ZSCAN5A: variants seen among roughly 807,000 people sequenced by gnomAD.
ZSCAN5A encodes zinc finger and SCAN domain containing 5A.
ZSCAN5A carries 12 observed loss-of-function variants against 23.7 expected under a neutral mutation model. That is an observed-to-expected ratio of 0.51 (90% CI 0.32 to 0.82). ZSCAN5A has a LOEUF of 0.82. Ranked by LOEUF, ZSCAN5A falls within the 40% of genes least tolerant of loss-of-function variation. The pLI, the probability that ZSCAN5A is intolerant of heterozygous loss-of-function variation, is 0.03. For missense variants in ZSCAN5A, 597 were observed against 617.9 expected (o/e 0.97, Z 0.36); for synonymous variants, 257 against 239.9 (o/e 1.07, Z -0.66).
chr19:56,226,841 T>G (rs1488812491), intron 2 of ZSCAN5A, among the ~76,000 whole-genome samples: 2 of 151,958 alleles, frequency 1.3e-5, no homozygotes, highest in African/African-American at 4.8e-5. Context: ...ATGGGTAGAG[T>G]CATACCTCAC....
intron 2 of ZSCAN5A, among the ~76,000 whole-genome samples, chr19:56,258,585 A>G (rs1205100348): frequency 6.6e-6 from 1 of 151,154 alleles, no homozygotes; most frequent in Non-Finnish European, 1.5e-5. Context: ...GTAGGGGGTG[A>G]CAGACACGCC....
At chr19:56,359,774 A>G (rs1212435196) in intron 2 of ZSCAN5A, among the ~76,000 whole-genome samples, 1 of 152,226 alleles carries the variant, frequency 6.6e-6, no homozygotes, top group Non-Finnish European at 1.5e-5. Flanking sequence ...CTGGTTCAAT[A>G]CATGAAATCA....
intron 2 of ZSCAN5A, among the ~76,000 whole-genome samples, chr19:56,359,991 G>T (rs1157386846): frequency 6.6e-6 from 1 of 152,156 alleles, no homozygotes; most frequent in East Asian, 1.9e-4. Flanking sequence ...AAAGCTGGAA[G>T]CACTCCCCTT....
rs145180656 is a variant in ZSCAN5A, at chr19:56,253,649, C to T, written c.-127-28476G>A. Among the ~76,000 whole-genome samples, 952 of 152,202 alleles carry T rather than the reference C, an allele frequency of 6.3e-3. 7 individuals carry two copies. Among genetic ancestry groups the T allele is most frequent in the Non-Finnish European group, 1.0e-2 (678 of 68,030 alleles). ...AAGGACTGAGGTGAACAGTTTTGAA[C>T]GTTGGGATGTCAACAGAATGAGGAC... On this transcript the variant is annotated intron_variant, in intron 2 of 5. Transcript: ENST00000683990.
chr19:56,303,641 G>A (rs889163444), intron 2 of ZSCAN5A, among the ~76,000 whole-genome samples: 3 of 152,126 alleles, frequency 2.0e-5, no homozygotes, highest in African/African-American at 2.4e-5. Flanking sequence ...CCTAGATGCT[G>A]GGGACTCAGA....
At chr19:56,288,889 A>G (rs2039323730) in intron 2 of ZSCAN5A, among the ~76,000 whole-genome samples, 1 of 152,202 alleles carries the variant, frequency 6.6e-6, no homozygotes, top group Non-Finnish European at 1.5e-5. Flanking sequence ...ACAGAAGAAG[A>G]AAGTAAGTAC....
chr19:56,314,045 G>A (rs2041211465), intron 1 of ZSCAN5A, among the ~76,000 whole-genome samples: 1 of 152,158 alleles, frequency 6.6e-6, no homozygotes. Flanking sequence ...GCATCCAGTG[G>A]GTGAGGTGAG....
chr19:56,292,090 A>C (rs1357774337), intron 2 of ZSCAN5A, among the ~76,000 whole-genome samples: 5 of 152,130 alleles, frequency 3.3e-5, no homozygotes, highest in African/African-American at 9.7e-5. Context: ...TGCGTGACTC[A>C]GCTGCTTAAC....
intron 2 of ZSCAN5A, among the ~76,000 whole-genome samples, chr19:56,269,444 C>A (rs2037693386): frequency 6.6e-6 from 1 of 152,002 alleles, no homozygotes; most frequent in South Asian, 2.1e-4. Flanking sequence ...CTGAAGATAC[C>A]CACATCTGAC....
At chr19:56,256,123 G>GA (rs2036675149) in intron 2 of ZSCAN5A, among the ~76,000 whole-genome samples, 1 of 152,094 alleles carries the variant, frequency 6.6e-6, no homozygotes, top group Admixed American at 6.5e-5. Context: ...TTAAAATACA[G>GA]AAAAAAGGAT....
intron 2 of ZSCAN5A, among the ~76,000 whole-genome samples, chr19:56,360,682 C>T (rs2041728492): frequency 6.6e-6 from 1 of 151,800 alleles, no homozygotes; most frequent in Non-Finnish European, 1.5e-5. Context: ...AAAATTAACT[C>T]TAGATGGATT....
intron 2 of ZSCAN5A, among the ~76,000 whole-genome samples, chr19:56,292,281 G>A (rs2147164687): frequency 6.6e-6 from 1 of 152,212 alleles, no homozygotes; most frequent in Non-Finnish European, 1.5e-5. Context: ...ATTTACCATT[G>A]TAACTTGTTT....
intron 2 of ZSCAN5A, among the ~76,000 whole-genome samples, chr19:56,233,269 A>G (rs1260792522): frequency 6.6e-6 from 1 of 151,966 alleles, no homozygotes; most frequent in African/African-American, 2.4e-5. Flanking sequence ...GCTTGTTTCT[A>G]TTTAGCTTCA....
At chr19:56,266,227 G>T (rs1002840929) in intron 2 of ZSCAN5A, 1 of 152,168 alleles carries the variant, frequency 6.6e-6, no homozygotes, top group Admixed American at 6.5e-5. Flanking sequence ...AGAGTATTAT[G>T]ATTATTACTG....
chr19:56,256,049 A>T (rs1436868657), intron 2 of ZSCAN5A, among the ~76,000 whole-genome samples: 2 of 152,228 alleles, frequency 1.3e-5, no homozygotes, highest in Non-Finnish European at 2.9e-5. Context: ...TCAGAAGAGA[A>T]AATGCACACA....
intron 2 of ZSCAN5A, among the ~76,000 whole-genome samples, chr19:56,271,438 G>A (rs1041933851): frequency 3.9e-5 from 6 of 152,182 alleles, no homozygotes; most frequent in Admixed American, 1.3e-4. Context: ...CCTTCCACAT[G>A]TTTTACGCCT....
chr19:56,231,996 C>CTTTTTTTT lies in ZSCAN5A; in HGVS notation c.-127-6831_-127-6824dup, dbSNP rs59525392. 3.0e-3 allele frequency among the ~76,000 whole-genome samples: 371 copies of CTTTTTTTT among 124,968 alleles called. 18 individuals carry two copies. Among genetic ancestry groups the CTTTTTTTT allele is most frequent in the African/African-American group, 0.01 (338 of 33,324 alleles). The allele number at this position is 124,968 out of a possible 152,430, so 82.0% of individuals were successfully genotyped here. ...TCTTTTTTCTTTCTTTTTTTCTTTT[C>CTTTTTTTT]TTTTTTTTTGAGACAGTGTCTTGCT... On this transcript the variant is annotated intron_variant, in intron 2 of 5. Transcript: ENST00000683990.
At chr19:56,244,047 C>T in intron 2 of ZSCAN5A, 5 of 938,132 alleles carry the variant, frequency 5.3e-6, no homozygotes, top group Middle Eastern at 4.4e-4. Context: ...CCAGATATGG[C>T]TGCAAATTGC....
chr19:56,322,844 G>A (rs1192263761), intron 2 of ZSCAN5A, among the ~76,000 whole-genome samples: 2 of 149,332 alleles, frequency 1.3e-5, no homozygotes, highest in Non-Finnish European at 3.0e-5. Flanking sequence ...TATGTAAATA[G>A]TTGTTAGACT....
Sources: gnomAD v4.1 joint callset for allele counts (sites outside exome capture counted in the v4.1 genomes callset) on GRCh38, gnomAD v4.1.1 for gene constraint, MANE v1.5 for transcripts, NCBI Gene and HGNC (gene_info 2026-07-23, HGNC 2026-07-21) for gene names.